Variants in SSNA1 observed in about 807,000 individuals in gnomAD.
SSNA1 encodes SS nuclear autoantigen 1, also known as microtubule nucleation factor SSNA1.
A neutral mutation model predicts 13.3 loss-of-function variants in SSNA1; 13 were observed. That is an observed-to-expected ratio of 0.97 (90% confidence interval 0.63 to 1.55). The LOEUF is 1.55. Ranked by LOEUF, SSNA1 falls within the 40% of genes most tolerant of loss-of-function variation. The pLI is 0.00. For synonymous variants in SSNA1, 89 were observed against 65.9 expected (o/e 1.35, Z -1.70); for missense variants, 186 against 152.7 (o/e 1.22, Z -1.15).
At position 137,188,794 on chromosome 9, in the gene SSNA1, G is replaced by C; in HGVS notation, c.52+16G>C. ...CTGGTCAAGTGTGAGCGGCGCAGCC[G>C]GGACGGGGAGGTCGGGAGGGCCGCA... On this transcript the variant is annotated intron_variant, in intron 1 of 2. Coordinates refer to ENST00000322310, the MANE Select transcript of SSNA1 (RefSeq NM_003731.3). 9 of 1,562,522 alleles carry C rather than the reference G, an allele frequency of 5.8e-6. No homozygotes were observed. Among genetic ancestry groups the C allele is most frequent in the Non-Finnish European group, 7.7e-6 (9 of 1,163,090 alleles).
intron 1 of SSNA1, 109 bp from the exon 2 acceptor site, chr9:137,188,957 G>A (rs1189535211): frequency 2.9e-6 from 4 of 1,369,528 alleles, no homozygotes; most frequent in East Asian, 2.6e-5. Flanking sequence ...CCCCGCGCCG[G>A]GCGCTCGGGG....
intron 2 of SSNA1, among the ~76,000 whole-genome samples, chr9:137,189,602 G>A (rs1049938544): frequency 6.6e-6 from 1 of 152,258 alleles, no homozygotes; most frequent in Non-Finnish European, 1.5e-5. Flanking sequence ...AGGGTGGAGA[G>A]GAAGTGTTTT....
At chr9:137,189,770 G>C (rs760733358) in intron 2 of SSNA1, 37 bp from the exon 3 acceptor site, 32 of 1,592,872 alleles carry the variant, frequency 2.0e-5, no homozygotes, top group Non-Finnish European at 2.8e-5. Context: ...TTACCAACAG[G>C]TGAACATTAA....
In SSNA1 at chr9:137,189,056, C is replaced by G; in HGVS notation, c.53-10C>G. 6.4e-7 allele frequency: 1 copy of G among 1,555,798 alleles called. No homozygotes were observed. On this transcript the variant is annotated splice_polypyrimidine_tract_variant and intron_variant, in intron 1 of 2. Coordinates refer to ENST00000322310, the MANE Select transcript of SSNA1 (RefSeq NM_003731.3). Reference sequence around the variant, plus strand: ...CCTGGGCCCACAGCGCCGCCCCTCCCGGCCCCCAGGCATAGAGGAGCTGTG... The same window carrying G: ...CCTGGGCCCACAGCGCCGCCCCTCCGGGCCCCCAGGCATAGAGGAGCTGTG...
Position 137,189,090 on chromosome 9 carries a change from GGGAGGAGCTGTGCCGGCAGATCCA to G in SSNA1, c.85_108del (p.Leu29_Glu36del), listed in dbSNP as rs1834553657. ...GGCATAGAGGAGCTGTGCCAGAAGCGGGAGGAGCTGTGCCGGCAGATCCAGGAGGAGGAGGACGAGAAGCAGCGG... is the reference window on the plus strand; with the variant it reads ...GGCATAGAGGAGCTGTGCCAGAAGCGGGAGGAGGAGGACGAGAAGCAGCGG... On this transcript the variant is annotated inframe_deletion, in exon 2 of 3. Transcript: ENST00000322310. The G allele has an allele frequency of 2.5e-6, 4 of 1,585,646 alleles. No individual in the cohort carries two copies. Among genetic ancestry groups the G allele is most frequent in the Non-Finnish European group, 2.6e-6 (3 of 1,165,232 alleles).
In SSNA1 at chr9:137,189,049, C is replaced by T; in HGVS notation, c.53-17C>T. On this transcript the variant is annotated splice_polypyrimidine_tract_variant and intron_variant, in intron 1 of 2. Transcript: ENST00000322310. ...CTCCTGCCCTGGGCCCACAGCGCCG[C>T]CCCTCCCGGCCCCCAGGCATAGAGG... 1 of 1,552,964 alleles carries T rather than the reference C, an allele frequency of 6.4e-7. No individual in the cohort carries two copies. Among genetic ancestry groups the T allele is most frequent in the East Asian group, 2.4e-5 (1 of 41,034 alleles).
chr9:137,189,846 A>C lies in SSNA1; in HGVS notation c.292A>C (p.Arg98=). ...CCAGACTTTGCTCAGCGTTCTCAAGAGGGAAGCTGGGAACCTGACCAAGGC... is the reference window on the plus strand; with the variant it reads ...CCAGACTTTGCTCAGCGTTCTCAAGCGGGAAGCTGGGAACCTGACCAAGGC... ...SSQTLLSVLK[R]EAGNLTKATA... is the part of the protein sequence containing the mutation. The change falls in exon 3 of 3, where the codon AGG becomes CGG. Residue 98 remains arginine, a synonymous_variant. Transcript: ENST00000322310. 6.2e-7 allele frequency: 1 copy of C among 1,613,994 alleles called. No homozygotes were observed. Among genetic ancestry groups the C allele is most frequent in the Non-Finnish European group, 8.5e-7 (1 of 1,180,010 alleles).
intron 1 of SSNA1, 27 bp downstream of exon 1, chr9:137,188,805 G>A: frequency 1.3e-6 from 2 of 1,554,634 alleles, no homozygotes; most frequent in Non-Finnish European, 1.7e-6. Flanking sequence ...GGACGGGGAG[G>A]TCGGGAGGGC....
chr9:137,190,128 G>T lies in SSNA1; in HGVS notation c.*214G>T. 1 of 542,580 alleles carries T rather than the reference G, an allele frequency of 1.8e-6. No homozygotes were observed. Among genetic ancestry groups the T allele is most frequent in the South Asian group, 2.0e-5 (1 of 49,496 alleles). The allele number at this position is 542,580 out of a possible 1,614,324, so 33.6% of individuals were successfully genotyped here. On this transcript the variant is annotated 3_prime_UTR_variant, in exon 3 of 3. Transcript: ENST00000322310. The stretch of plus-strand genomic sequence containing the variant: ...GCTTCATGCTCACACAGGCTATGGG[G>T]ATGGTGGGCTCCAGGTCAGCTCTGC...
In SSNA1 at chr9:137,190,125, G is replaced by GGGGA. The variant is rs1342059091; in HGVS notation, c.*212_*215dup. The GGGGA allele has an allele frequency of 3.7e-6, 2 of 544,942 alleles. No individual in the cohort carries two copies. The highest frequency in any genetic ancestry group is 3.3e-6 in the Non-Finnish European group (1 of 302,354). The allele number at this position is 544,942 out of a possible 1,614,324, so 33.8% of individuals were successfully genotyped here. A position where few individuals can be genotyped will look rare whatever the true frequency, so the allele number is the denominator to read the frequency against. On this transcript the variant is annotated 3_prime_UTR_variant, in exon 3 of 3. Transcript: ENST00000322310. ...CTCGCTTCATGCTCACACAGGCTATGGGGATGGTGGGCTCCAGGTCAGCTC... is the reference window on the plus strand; with the variant it reads ...CTCGCTTCATGCTCACACAGGCTATGGGGAGGGATGGTGGGCTCCAGGTCAGCTC...
rs1412388843 is a variant in SSNA1, at chr9:137,189,230, C to T, written c.217C>T (p.Arg73Trp). Residue 73 changes from arginine to tryptophan, a missense_variant, in exon 2 of 3, where the codon CGG becomes TGG. Transcript: ENST00000322310. The part of the protein sequence containing the change: ...RKIASRNEFD[R>W]TIAETEAAYL... Reference sequence around the variant, plus strand: ...GATTGCCTCTCGCAACGAGTTCGACCGGACCATCGCGGAGACGGAGGCCGC... The same window carrying T: ...GATTGCCTCTCGCAACGAGTTCGACTGGACCATCGCGGAGACGGAGGCCGC... 3 of 1,613,004 alleles carry T rather than the reference C, an allele frequency of 1.9e-6. No homozygotes were observed. The highest frequency in any genetic ancestry group is 2.7e-5 in the African/African-American group (2 of 74,946).
rs1834579019 is a variant in SSNA1 at position 137,190,051 on chromosome 9, C to T, written c.*137C>T. 9.3e-6 allele frequency: 7 copies of T among 751,876 alleles called. No homozygotes were observed. The highest frequency in any genetic ancestry group is 6.8e-5 in the South Asian group (4 of 58,908). The allele number at this position is 751,876 out of a possible 1,614,324, so 46.6% of individuals were successfully genotyped here. On this transcript the variant is annotated 3_prime_UTR_variant, in exon 3 of 3. Transcript: ENST00000322310. The stretch of plus-strand genomic sequence containing the variant: ...AGGTGCCGAGAGGGGCAGGTGCCAG[C>T]CTCCACTGGCATCAGTGACAAGCCC...
chr9:137,189,255 C>T lies in SSNA1; in HGVS notation c.242C>T (p.Ala81Val). 1.2e-6 allele frequency: 2 copies of T among 1,613,084 alleles called. No homozygotes were observed. The highest frequency in any genetic ancestry group is 1.7e-6 in the Non-Finnish European group (2 of 1,179,982). ...CGGACCATCGCGGAGACGGAGGCCG[C>T]CTACCTCAAGGTGGAGCTCGGGAGG... The part of the protein sequence containing the change: ...FDRTIAETEA[A>V]YLKILESSQT... The change falls in exon 2 of 3, where the codon GCC becomes GTC. Residue 81 changes from alanine (A) to valine (V), a missense_variant. By Grantham distance (64) the Ala-to-Val change is moderately conservative. Transcript: ENST00000322310.
At chr9:137,188,933 C>T (rs924450727) in intron 1 of SSNA1, 133 bp from the exon 2 acceptor site, 11 of 1,329,206 alleles carry the variant, frequency 8.3e-6, no homozygotes, top group African/African-American at 1.5e-5. Context: ...CCCGAGCCCT[C>T]GCTGGCTCGC....
chr9:137,188,893 C>A (rs73563667), intron 1 of SSNA1, 115 bp downstream of exon 1: 2 of 1,341,654 alleles, frequency 1.5e-6, no homozygotes, highest in Non-Finnish European at 9.7e-7. Flanking sequence ...CTGAGCAGAG[C>A]CCTCCGTGCC....
rs1411772148 is a variant in SSNA1, at chr9:137,189,226, C to T, written c.213C>T (p.Phe71=). Residue 71 remains phenylalanine, a synonymous_variant, in exon 2 of 3, where the codon TTC becomes TTT. Coordinates refer to ENST00000322310, the MANE Select transcript of SSNA1 (RefSeq NM_003731.3). ...LARKIASRNE[F]DRTIAETEAA... ...GCAAGATTGCCTCTCGCAACGAGTT[C>T]GACCGGACCATCGCGGAGACGGAGG... 1 of 1,613,046 alleles carries T rather than the reference C, an allele frequency of 6.2e-7. No homozygotes were observed. Among genetic ancestry groups the T allele is most frequent in the Non-Finnish European group, 8.5e-7 (1 of 1,180,000 alleles).
intron 2 of SSNA1, 44 bp from the exon 3 acceptor site, chr9:137,189,763 C>T (rs769491317): frequency 3.4e-5 from 53 of 1,578,092 alleles, no homozygotes; most frequent in Non-Finnish European, 2.9e-5. Flanking sequence ...TAGGACCTTA[C>T]CAACAGGTGA....
In SSNA1 at chr9:137,188,824, C is replaced by T; in HGVS notation, c.52+46C>T. 5 of 1,520,380 alleles carry T rather than the reference C, an allele frequency of 3.3e-6. No individual in the cohort carries two copies. The South Asian group carries it at 3.6e-5, about 11-fold the overall frequency. The allele number at this position is 1,520,380 out of a possible 1,614,324, so 94.2% of individuals were successfully genotyped here. On this transcript the variant is annotated intron_variant, in intron 1 of 2. Transcript: ENST00000322310. ...GGGGAGGTCGGGAGGGCCGCAGGGC[C>T]GGGTTCCCGGCTCGCAGCGGGGTGC...
intron 2 of SSNA1, 131 bp downstream of exon 2, chr9:137,189,396 G>A (rs1234963406): frequency 3.6e-6 from 4 of 1,114,648 alleles, no homozygotes; most frequent in Non-Finnish European, 5.2e-6. Flanking sequence ...TCGGGCAGGG[G>A]CAGCGTGGCC....
Sources: allele counts gnomAD v4.1 joint callset (sites outside exome capture counted in the v4.1 genomes callset), GRCh38; gene constraint gnomAD v4.1.1; transcripts MANE v1.5; gene names NCBI Gene and HGNC (gene_info 2026-07-23, HGNC 2026-07-21).